The following CDH23 variants were observed in gnomAD, a reference collection of about 807,000 sequenced individuals.
CDH23 encodes the protein cadherin-23.
CDH23 carries 189 observed loss-of-function variants against 317.1 expected under a neutral mutation model. That is an observed-to-expected ratio of 0.60 (90% confidence interval 0.53 to 0.67). The LOEUF is 0.67. Ranked by LOEUF, CDH23 falls within the 30% of genes least tolerant of loss-of-function variation. The pLI, the probability that CDH23 is intolerant of heterozygous loss-of-function variation, is 0.00. For synonymous variants in CDH23, 1,839 were observed against 1,876.8 expected, an observed-to-expected ratio of 0.98 and a Z score of 0.52; for missense variants, 4,401 against 4,592.4, an observed-to-expected ratio of 0.96 and a Z score of 1.20.
intron 11 of CDH23, among the ~76,000 whole-genome samples, chr10:71,626,513 A>G (rs769921377): frequency 6.6e-6 from 1 of 152,214 alleles, no homozygotes; most frequent in Non-Finnish European, 1.5e-5. Context: ...ACACCCCAGC[A>G]TCTGCTCAGT....
At chr10:71,592,243 C>G (rs1859543159) in intron 9 of CDH23, among the ~76,000 whole-genome samples, 2 of 152,192 alleles carry the variant, frequency 1.3e-5, no homozygotes, top group South Asian at 2.1e-4. Context: ...GCTGACCCTC[C>G]TCAGCATTGG....
chr10:71,715,900 C>A, intron 28 of CDH23: 1 of 1,443,706 alleles, frequency 6.9e-7, no homozygotes, highest in South Asian at 1.5e-5. Flanking sequence ...ACAGGTAGAC[C>A]TAGGGGGATG....
chr10:71,741,625 A>C, intron 37 of CDH23, 69 bp from the exon 38 acceptor site: 1 of 1,381,966 alleles, frequency 7.2e-7, no homozygotes, highest in East Asian at 2.5e-5. Context: ...TTCGGGCTAC[A>C]GGAGCAGGTG....
At chr10:71,600,834 A>T (rs1233015998) in intron 9 of CDH23, among the ~76,000 whole-genome samples, 1 of 152,294 alleles carries the variant, frequency 6.6e-6, no homozygotes, top group South Asian at 2.1e-4. Flanking sequence ...AGCTTTTAAA[A>T]GTTGACCTTT....
chr10:71,637,193 T>A (rs774633904), intron 11 of CDH23, among the ~76,000 whole-genome samples: 1 of 152,178 alleles, frequency 6.6e-6, no homozygotes, highest in Non-Finnish European at 1.5e-5. Context: ...TACTGCTCAA[T>A]GTTATGGATG....
intron 11 of CDH23, among the ~76,000 whole-genome samples, chr10:71,631,529 T>C (rs543977482): frequency 1.3e-5 from 2 of 152,226 alleles, no homozygotes; most frequent in Admixed American, 1.3e-4. Context: ...TGTCTTTCAG[T>C]AGTGGCAAAT....
chr10:71,482,162 C>T (rs1157171028), intron 3 of CDH23, among the ~76,000 whole-genome samples: 1 of 152,204 alleles, frequency 6.6e-6, no homozygotes, highest in South Asian at 2.1e-4. Flanking sequence ...CAAAGCCTTC[C>T]CCCACCTTCC....
At chr10:71,506,843 G>T (rs1171647535) in intron 3 of CDH23, among the ~76,000 whole-genome samples, 1 of 152,204 alleles carries the variant, frequency 6.6e-6, no homozygotes, top group South Asian at 2.1e-4. Context: ...GCATGAGCAG[G>T]CAAGAGCCCA....
intron 14 of CDH23, among the ~76,000 whole-genome samples, chr10:71,664,863 A>T (rs61852017): frequency 7.4e-6 from 1 of 135,350 alleles, no homozygotes; most frequent in African/African-American, 2.9e-5. Context: ...TCCCTTGATC[A>T]CTTCCTTTCT....
chr10:71,684,928 A>G (rs1281529018), intron 18 of CDH23, among the ~76,000 whole-genome samples: 4 of 152,222 alleles, frequency 2.6e-5, no homozygotes, highest in African/African-American at 4.8e-5. Flanking sequence ...GTCCTTTCAC[A>G]TGACCCAGCC....
At chr10:71,494,150 G>C (rs1852824500) in intron 3 of CDH23, among the ~76,000 whole-genome samples, 1 of 152,160 alleles carries the variant, frequency 6.6e-6, no homozygotes, top group Non-Finnish European at 1.5e-5. Context: ...TAAATCGCAA[G>C]CAGCAAAGTG....
At chr10:71,408,692 C>T (rs1848220360) in intron 1 of CDH23, among the ~76,000 whole-genome samples, 1 of 152,206 alleles carries the variant, frequency 6.6e-6, no homozygotes, top group Admixed American at 6.5e-5. Flanking sequence ...GAAGGGAGCC[C>T]ATGAATAATA....
At chr10:71,693,952 A>G (rs1478853957) in intron 20 of CDH23, among the ~76,000 whole-genome samples, 195 bp from the exon 21 acceptor site, 2 of 152,040 alleles carry the variant, frequency 1.3e-5, no homozygotes, top group East Asian at 3.9e-4. Flanking sequence ...CCAGCTCCCA[A>G]GGCACAGGAG....
chr10:71,795,322 A>C (rs1188609701), intron 48 of CDH23, among the ~76,000 whole-genome samples: 1 of 152,132 alleles, frequency 6.6e-6, no homozygotes, highest in Admixed American at 6.5e-5. Flanking sequence ...AGGGAAACAG[A>C]AGAAGGAAAA....
intron 9 of CDH23, among the ~76,000 whole-genome samples, chr10:71,601,622 C>T (rs1273820643): frequency 6.6e-6 from 1 of 152,176 alleles, no homozygotes; most frequent in African/African-American, 2.4e-5. Context: ...CCCTGAACCC[C>T]ATCCCTCAGG....
At chr10:71,415,033 C>G (rs575067641) in intron 1 of CDH23, among the ~76,000 whole-genome samples, 1 of 152,136 alleles carries the variant, frequency 6.6e-6, no homozygotes, top group Non-Finnish European at 1.5e-5. Flanking sequence ...TTTATACTCT[C>G]TATAGAATCT....
chr10:71,797,203 CTGTCAG>C lies in CDH23; in HGVS notation c.6816_6821del (p.Ser2273_Val2274del). On this transcript the variant is annotated inframe_deletion, in exon 49 of 70. Transcript: ENST00000224721. ...AATGCCAGCGACCTACCAGAGCGCT[CTGTCAG>C]TGTGCCAAATGGTAAGGTTCCCTGC... 3.1e-6 allele frequency: 5 copies of C among 1,612,260 alleles called. No individual in the cohort carries two copies. Among genetic ancestry groups the C allele is most frequent in the Non-Finnish European group, 4.2e-6 (5 of 1,178,886 alleles).
intron 49 of CDH23, 112 bp from the exon 50 acceptor site, chr10:71,798,241 TG>T: frequency 4.0e-6 from 3 of 749,532 alleles, no homozygotes; most frequent in Middle Eastern, 2.4e-4. Context: ...AGGCAGCCTC[TG>T]GGGGGCTGTG....
At chr10:71,736,876 G>A (rs555295606) in intron 34 of CDH23, among the ~76,000 whole-genome samples, 168 of 152,330 alleles carry the variant, frequency 1.1e-3, no homozygotes, top group African/African-American at 3.8e-3. Flanking sequence ...ATAATAAGGT[G>A]TCAGGGAACT....
Sources: allele counts gnomAD v4.1 joint callset (sites outside exome capture counted in the v4.1 genomes callset), GRCh38; gene constraint gnomAD v4.1.1; transcripts MANE v1.5; gene names NCBI Gene and HGNC (gene_info 2026-07-23, HGNC 2026-07-21).